ZFHX3: variants seen among roughly 807,000 people sequenced by gnomAD.
The protein encoded by ZFHX3 is zinc finger homeobox 3.
In ZFHX3, 42 loss-of-function variants were observed where a neutral mutation model predicts 279.1. The observed-to-expected ratio is 0.15, with a 90% confidence interval of 0.12 to 0.19. ZFHX3 has a LOEUF of 0.19. Ranked by LOEUF, ZFHX3 falls within the 10% of genes least tolerant of loss-of-function variation. ZFHX3 has a pLI of 1.00. For missense variants in ZFHX3, 4,981 were observed against 4,754.0 expected (o/e 1.05, Z -1.40); for synonymous variants, 2,293 against 1,957.8 (o/e 1.17, Z -4.52).
intron 1 of ZFHX3, among the ~76,000 whole-genome samples, chr16:73,781,123 G>T (rs572772685): frequency 4.6e-4 from 70 of 152,244 alleles, no homozygotes; most frequent in Non-Finnish European, 8.4e-4. Flanking sequence ...CAAGGAAGTC[G>T]GAGTGTTAAA....
chr16:72,959,458 TGTGCAGGAC>T lies in ZFHX3; in HGVS notation c.679_687del (p.Val227_His229del). 6.2e-7 allele frequency: 1 copy of T among 1,614,238 alleles called. No homozygotes were observed. The highest frequency in any genetic ancestry group is 8.5e-7 in the Non-Finnish European group (1 of 1,180,042). On this transcript the variant is annotated inframe_deletion, in exon 2 of 10. Transcript: ENST00000268489. ...TGTCGCACGTCAAACACGCGGAAGC[TGTGCAGGAC>T]GGGGCTGAGCCCCGCCAGGGCTGAG...
intron 2 of ZFHX3, among the ~76,000 whole-genome samples, chr16:73,623,097 C>T (rs992804071): frequency 5.3e-5 from 8 of 151,604 alleles, no homozygotes; most frequent in Middle Eastern, 3.2e-3. Flanking sequence ...ACTGCAGTGG[C>T]GCTATCTCGG....
At chr16:73,515,923 T>C (rs9934237) in intron 2 of ZFHX3, among the ~76,000 whole-genome samples, 3,109 of 152,320 alleles carry the variant, frequency 0.02, 103 homozygotes, top group African/African-American at 0.071. Context: ...TATTATATTC[T>C]CTGTGCAAAT....
chr16:72,793,863 CT>C lies in ZFHX3; in HGVS notation c.8818del (p.Ser2940AlafsTer14). 6.2e-7 allele frequency: 1 copy of C among 1,614,084 alleles called. No individual in the cohort carries two copies. The highest frequency in any genetic ancestry group is 2.2e-5 in the East Asian group (1 of 44,892). ...ASGSAGKSGDSGDRPGQKRFR... is the reference protein window; with the variant it reads ...ASGSAGKSGDXGDRPGQKRFR... ...ACGTTTCTGCCCAGGCCGATCTCCGCTGTCACCAGATTTGCCTGCAGATCCA... is the reference window on the plus strand; with the variant it reads ...ACGTTTCTGCCCAGGCCGATCTCCGCGTCACCAGATTTGCCTGCAGATCCA... On this transcript the variant is annotated frameshift_variant, in exon 9 of 10. Coordinates refer to ENST00000268489, the MANE Select transcript of ZFHX3 (RefSeq NM_006885.4). LOFTEE classifies it high-confidence loss of function. The surrounding 1 kb of genome is among the most constrained non-coding windows in gnomAD (Gnocchi z 4.3).
chr16:73,823,987 C>T (rs879289270), intron 1 of ZFHX3, among the ~76,000 whole-genome samples: 3 of 152,204 alleles, frequency 2.0e-5, no homozygotes, highest in African/African-American at 7.2e-5. Flanking sequence ...GGAATAACTA[C>T]ACTCCAGGAA....
intron 1 of ZFHX3, among the ~76,000 whole-genome samples, chr16:73,761,798 G>A (rs1259690032): frequency 6.6e-6 from 1 of 152,096 alleles, no homozygotes; most frequent in African/African-American, 2.4e-5. Context: ...AATTGAAACT[G>A]GACCCCCTCC....
At chr16:73,067,321 T>TA (rs1965767990) in intron 8 of ZFHX3, among the ~76,000 whole-genome samples, 2 of 152,196 alleles carry the variant, frequency 1.3e-5, no homozygotes, top group African/African-American at 2.4e-5. Context: ...AGGTTAAACT[T>TA]ACAGTCTTCA....
chr16:73,786,657 C>T (rs1453736970), intron 1 of ZFHX3, among the ~76,000 whole-genome samples: 9 of 152,154 alleles, frequency 5.9e-5, no homozygotes, highest in Non-Finnish European at 1.2e-4. Context: ...ATTTCATTCC[C>T]ATGTGCATGG....
chr16:73,383,596 G>C (rs2016851698), intron 3 of ZFHX3, among the ~76,000 whole-genome samples: 1 of 151,138 alleles, frequency 6.6e-6, no homozygotes, highest in African/African-American at 2.4e-5. Flanking sequence ...CAGAGCTCTT[G>C]CGGCTCATCT....
intron 4 of ZFHX3, among the ~76,000 whole-genome samples, chr16:72,876,756 G>A (rs1229657835): frequency 6.6e-6 from 1 of 152,008 alleles, no homozygotes; most frequent in Non-Finnish European, 1.5e-5. Flanking sequence ...CCCCCCTAAA[G>A]AAACAAACAG....
chr16:72,789,004 G>T, intron 9 of ZFHX3, 156 bp from the exon 10 acceptor site: 1 of 1,142,328 alleles, frequency 8.8e-7, no homozygotes, highest in Non-Finnish European at 1.2e-6. Flanking sequence ...ATCCCACCAG[G>T]CTCAGGGCTG....
At chr16:73,286,463 C>A (rs191198338) in intron 4 of ZFHX3, among the ~76,000 whole-genome samples, 1 of 152,180 alleles carries the variant, frequency 6.6e-6, no homozygotes, top group African/African-American at 2.4e-5. Flanking sequence ...GATTTGAAAT[C>A]AAATTGTGTG....
chr16:73,670,782 T>G (rs565351341), intron 2 of ZFHX3, among the ~76,000 whole-genome samples: 3 of 152,302 alleles, frequency 2.0e-5, no homozygotes. Flanking sequence ...ATGGGAATAA[T>G]GGTAAATATC....
chr16:73,687,632 A>C (rs2053102960), intron 1 of ZFHX3, among the ~76,000 whole-genome samples: 1 of 151,608 alleles, frequency 6.6e-6, no homozygotes, highest in South Asian at 2.1e-4. Context: ...TCACGAGGTC[A>C]AGAGATCGAG....
intron 4 of ZFHX3, among the ~76,000 whole-genome samples, chr16:73,290,181 T>C (rs571610117): frequency 6.6e-6 from 1 of 152,268 alleles, no homozygotes; most frequent in Non-Finnish European, 1.5e-5. Context: ...GGAGTCCAAA[T>C]AGACTCTGTG....
At chr16:73,680,554 G>C (rs1044246924) in intron 1 of ZFHX3, among the ~76,000 whole-genome samples, 1 of 152,054 alleles carries the variant, frequency 6.6e-6, no homozygotes. Context: ...AATATTAACC[G>C]GTTACATTTT....
intron 2 of ZFHX3, among the ~76,000 whole-genome samples, chr16:73,552,243 C>T (rs889674470): frequency 1.3e-5 from 2 of 152,174 alleles, no homozygotes; most frequent in African/African-American, 4.8e-5. Flanking sequence ...TCTCTCTCCA[C>T]CCTGCTTTCG....
At chr16:73,732,001 C>A (rs1224208840) in intron 1 of ZFHX3, among the ~76,000 whole-genome samples, 1 of 152,182 alleles carries the variant, frequency 6.6e-6, no homozygotes, top group African/African-American at 2.4e-5. Flanking sequence ...TTGGGGATTT[C>A]AGGCTTTGGC....
chr16:73,045,898 T>G (rs1373671727), intron 1 of ZFHX3, among the ~76,000 whole-genome samples: 3 of 151,894 alleles, frequency 2.0e-5, no homozygotes, highest in African/African-American at 7.3e-5. Flanking sequence ...AAAGGGCTGT[T>G]TTTAAAGTCT....
Sources: gnomAD v4.1 joint callset for allele counts (sites outside exome capture counted in the v4.1 genomes callset) on GRCh38, gnomAD v4.1.1 for gene constraint, Gnocchi (gnomAD v3.1) non-coding constraint, MANE v1.5 for transcripts, NCBI Gene and HGNC (gene_info 2026-07-23, HGNC 2026-07-21) for gene names.